Variants in KLHL13 observed in about 807,000 individuals in gnomAD.
KLHL13 encodes the protein kelch-like protein 13.
A neutral mutation model predicts 37.1 loss-of-function variants in KLHL13; 10 were observed. The ratio of observed to expected loss-of-function variants is 0.27; its 90% confidence interval spans 0.17 to 0.46. The LOEUF (loss-of-function observed/expected upper bound fraction) is 0.46, where lower values mean the gene tolerates loss of function less well. Ranked by LOEUF, KLHL13 falls within the 20% of genes least tolerant of loss-of-function variation. The probability of loss-of-function intolerance (pLI) is 1.00; values close to 1 mark genes in which losing one functional copy is unlikely to be tolerated. For synonymous variants in KLHL13, 163 were observed against 181.2 expected (o/e 0.90, Z 0.81); for missense variants, 360 against 509.3 (o/e 0.71, Z 2.82).
At chrX:117,957,782 C>T (rs992061406) in intron 1 of KLHL13, among the ~76,000 whole-genome samples, 16 of 111,564 alleles carry the variant, frequency 1.4e-4, no homozygotes, top group Non-Finnish European at 2.8e-4. Context: ...AAACTATACA[C>T]ACAAAACACA....
intron 1 of KLHL13, among the ~76,000 whole-genome samples, chrX:118,096,973 T>C (rs1401278755): frequency 1.9e-4 from 21 of 111,134 alleles, no homozygotes; most frequent in South Asian, 7.6e-4. Context: ...GCCAATATCA[T>C]ACTGAATGGG....
chrX:117,913,954 A>T (rs1206406397), intron 4 of KLHL13, among the ~76,000 whole-genome samples: 1 of 111,163 alleles, frequency 9.0e-6, no homozygotes, highest in Admixed American at 9.6e-5. Flanking sequence ...CATTTCTTTG[A>T]TATAAATTAT....
At chrX:118,009,167 T>G (rs1209189873) in intron 1 of KLHL13, among the ~76,000 whole-genome samples, 2 of 102,011 alleles carry the variant, frequency 2.0e-5, no homozygotes, top group African/African-American at 7.1e-5. Context: ...GTCAGATGAG[T>G]AGGTTGTGAA....
intron 1 of KLHL13, among the ~76,000 whole-genome samples, chrX:117,993,157 A>G (rs1320191589): frequency 2.7e-5 from 3 of 112,202 alleles, no homozygotes; most frequent in Non-Finnish European, 5.6e-5. Flanking sequence ...ATTTCAGAAT[A>G]AGCAAGAGTA....
At chrX:117,976,716 G>A (rs950391475), upstream of KLHL13, among the ~76,000 whole-genome samples, 1 of 111,792 alleles carries the variant, frequency 8.9e-6, no homozygotes, top group African/African-American at 3.2e-5. Flanking sequence ...CATAAAACAG[G>A]AGAGAAAGAC....
At chrX:118,003,338 G>A (rs2053946832) in intron 1 of KLHL13, among the ~76,000 whole-genome samples, 1 of 109,664 alleles carries the variant, frequency 9.1e-6, no homozygotes, top group African/African-American at 3.5e-5. Context: ...ACAACATAGA[G>A]ATCCTGTCTC....
intron 1 of KLHL13, among the ~76,000 whole-genome samples, chrX:117,986,133 T>G (rs775643215): frequency 5.4e-5 from 6 of 111,641 alleles, no homozygotes; most frequent in Non-Finnish European, 1.1e-4. Context: ...GAAGCAGGCA[T>G]GTATTCTGAC....
intron 1 of KLHL13, chrX:117,947,557 G>A (rs1057252259): frequency 6.3e-5 from 7 of 112,000 alleles, no homozygotes; most frequent in African/African-American, 1.9e-4. Context: ...TTTGTCATTT[G>A]TCTCTTGCTC....
At chrX:118,017,776 T>C (rs887016217) in intron 1 of KLHL13, among the ~76,000 whole-genome samples, 1 of 111,964 alleles carries the variant, frequency 8.9e-6, no homozygotes, top group African/African-American at 3.2e-5. Context: ...TGGTGAATAA[T>C]ATTTGTTAAA....
exon 1 of KLHL13, chrX:117,973,142 A>G (rs2053551996): frequency 3.1e-6 from 3 of 954,337 alleles, no homozygotes; most frequent in Non-Finnish European, 3.9e-6. Flanking sequence ...GCTTTATTTA[A>G]TAAAAGCAGC....
At chrX:118,114,229 A>G (rs926198628) in intron 1 of KLHL13, among the ~76,000 whole-genome samples, 4 of 112,700 alleles carry the variant, frequency 3.5e-5, no homozygotes, top group Non-Finnish European at 7.5e-5. Flanking sequence ...GTCAAATTAC[A>G]TGAAGAAGCA....
intron 1 of KLHL13, among the ~76,000 whole-genome samples, chrX:118,070,162 T>A (rs924874458): frequency 5.4e-5 from 6 of 112,034 alleles, no homozygotes; most frequent in Non-Finnish European, 1.1e-4. Context: ...CTCCATGATA[T>A]TCACACAATG....
intron 1 of KLHL13, among the ~76,000 whole-genome samples, chrX:117,999,895 G>A (rs1397707481): frequency 2.7e-5 from 3 of 111,296 alleles, no homozygotes; most frequent in Non-Finnish European, 3.8e-5. Flanking sequence ...GTTTTACCAA[G>A]TCTACTTTCT....
chrX:117,900,057 T>C (rs1217016818), intron 6 of KLHL13, among the ~76,000 whole-genome samples: 1 of 112,398 alleles, frequency 8.9e-6, no homozygotes, highest in Non-Finnish European at 1.9e-5. Context: ...AGAATTAGAA[T>C]GCTGAATATA....
intron 1 of KLHL13, among the ~76,000 whole-genome samples, chrX:118,074,387 T>C (rs1569309631): frequency 8.9e-6 from 1 of 111,962 alleles, no homozygotes; most frequent in South Asian, 3.7e-4. Flanking sequence ...TTTGTTGGCC[T>C]CATCCTGCTG....
At chrX:118,008,821 C>T (rs1429189255) in intron 1 of KLHL13, among the ~76,000 whole-genome samples, 1 of 111,653 alleles carries the variant, frequency 9.0e-6, no homozygotes, top group Non-Finnish European at 1.9e-5. Context: ...TACTTAATCT[C>T]TCTGTGCCTC....
chrX:118,069,420 TAA>T (rs66906743), intron 1 of KLHL13, among the ~76,000 whole-genome samples: 2,984 of 61,565 alleles, frequency 0.048, 121 homozygotes, highest in Admixed American at 0.15. Context: ...GTTTAAAATG[TAA>T]AAAAAAAAAA....
chrX:118,112,252 A>G (rs1019434901), intron 1 of KLHL13, among the ~76,000 whole-genome samples: 3 of 112,576 alleles, frequency 2.7e-5, no homozygotes, highest in African/African-American at 9.7e-5. Flanking sequence ...TCATTATTCA[A>G]TAACTATTTA....
rs776328779 is a variant in KLHL13 at position 117,972,024 on chromosome X, G to T, written c.98+707C>A. Among the ~76,000 whole-genome samples the T allele has an allele frequency of 2.0e-3, 222 of 111,532 alleles. 1 individual carries two copies. Among genetic ancestry groups the T allele is most frequent in the African/African-American group, 6.6e-3 (203 of 30,823 alleles). ...TAAAGCAACACTGCAAATTTAAAAA[G>T]ATTTTCAAAAATTTTGAAAACTTCT... On this transcript the variant is annotated intron_variant, in intron 1 of 6. Transcript: ENST00000262820.
Sources: gnomAD v4.1 joint callset for allele counts (sites outside exome capture counted in the v4.1 genomes callset) on GRCh38, gnomAD v4.1.1 for gene constraint, MANE v1.5 for transcripts, NCBI Gene and HGNC (gene_info 2026-07-23, HGNC 2026-07-21) for gene names.